MFSD6: variants seen among roughly 807,000 people sequenced by gnomAD.
The protein encoded by MFSD6 is major facilitator superfamily domain-containing protein 6.
Under a neutral mutation model 56.3 loss-of-function variants are expected in MFSD6, and 26 were observed. The observed-to-expected ratio is 0.46, with a 90% CI of 0.34 to 0.64. The LOEUF is 0.64. Among genes scored for constraint, MFSD6 ranks in the 30% least tolerant of loss-of-function variants. MFSD6 has a pLI of 0.01. For missense variants in MFSD6, 750 were observed against 986.2 expected, an observed-to-expected ratio of 0.76 and a Z score of 3.21; for synonymous variants, 331 against 366.9, an observed-to-expected ratio of 0.90 and a Z score of 1.12.
chr2:190,408,397 G>GCGCTGCCCCGACAGC lies in MFSD6; in HGVS notation c.-278_-264dup, dbSNP rs1367836650. The GCGCTGCCCCGACAGC allele has an allele frequency of 1.3e-5, 2 of 150,554 alleles. No individual in the cohort carries two copies. Among genetic ancestry groups the GCGCTGCCCCGACAGC allele is most frequent in the Non-Finnish European group, 3.0e-5 (2 of 67,204 alleles). 9.3% of individuals were successfully genotyped at this position (150,554 alleles called of 1,614,324 possible). On this transcript the variant is annotated 5_prime_UTR_variant, in exon 1 of 8. Transcript: ENST00000392328. ...GCGCGCGAGCAGCCCGGGATGGTGC[G>GCGCTGCCCCGACAGC]CGCTGCCCCGACAGCCGCCGCCCCG...
At chr2:190,479,893 G>A (rs988265588) in intron 4 of MFSD6, among the ~76,000 whole-genome samples, 1 of 152,168 alleles carries the variant, frequency 6.6e-6, no homozygotes, top group Non-Finnish European at 1.5e-5. Flanking sequence ...GGGGACTTGA[G>A]CTGACATTTA....
At chr2:190,460,088 T>TA (rs1687245862) in intron 3 of MFSD6, among the ~76,000 whole-genome samples, 1 of 152,208 alleles carries the variant, frequency 6.6e-6, no homozygotes, top group Non-Finnish European at 1.5e-5. Flanking sequence ...CTTACTCTTC[T>TA]GGTGAGATAG....
rs1042930965 is a variant in MFSD6, at chr2:190,490,942, T to G, written c.1891+1076T>G. Reference sequence around the variant, plus strand: ...ACTGTTTTTTCTTACTTTTGTTCTTTTATAATCCTAAATGGATTCTCTCTC... The same window carrying G: ...ACTGTTTTTTCTTACTTTTGTTCTTGTATAATCCTAAATGGATTCTCTCTC... On this transcript the variant is annotated intron_variant, in intron 6 of 7. Transcript: ENST00000392328. This position sits in a 1 kb window ranked among gnomAD's most constrained non-coding sequence, Gnocchi z 4.5. Among the ~76,000 whole-genome samples, 1 of 152,204 alleles carries G rather than the reference T, an allele frequency of 6.6e-6. No individual in the cohort carries two copies. The highest frequency in any genetic ancestry group is 1.5e-5 in the Non-Finnish European group (1 of 68,036).
At position 190,463,074 on chromosome 2, in the gene MFSD6, CAA is replaced by C. The variant is rs1687413274; in HGVS notation, c.1533-6683_1533-6682del. Among the ~76,000 whole-genome samples the C allele has an allele frequency of 6.6e-6, 1 of 152,064 alleles. No homozygotes were observed. Among genetic ancestry groups the C allele is most frequent in the Admixed American group, 6.5e-5 (1 of 15,268 alleles). ...GAGGACAAAAAAAGGGGAGAGAAGACAAGAGATTCCAGACAGTTACAGCAAAA... is the reference window on the plus strand; with the variant it reads ...GAGGACAAAAAAAGGGGAGAGAAGACGAGATTCCAGACAGTTACAGCAAAA... On this transcript the variant is annotated intron_variant, in intron 3 of 7. Transcript: ENST00000392328. This position sits in a 1 kb window ranked among gnomAD's most constrained non-coding sequence, Gnocchi z 4.4.
chr2:190,466,018 G>A (rs1328959788), intron 3 of MFSD6, among the ~76,000 whole-genome samples: 2 of 152,170 alleles, frequency 1.3e-5, no homozygotes, highest in African/African-American at 2.4e-5. Flanking sequence ...CAAAAAGTCC[G>A]AGATCAATTG....
At chr2:190,479,823 A>G (rs10185147) in intron 4 of MFSD6, among the ~76,000 whole-genome samples, 22,300 of 152,156 alleles carry the variant, frequency 0.15, 1,847 homozygotes, top group Middle Eastern at 0.22. Flanking sequence ...AGGATGCTCT[A>G]TCAGTGGGAG....
In MFSD6 at chr2:190,425,438, T is replaced by C. The variant is rs926278871; in HGVS notation, c.-54+10025T>C. On this transcript the variant is annotated intron_variant, in intron 2 of 7. Transcript: ENST00000392328. The surrounding 1 kb of genome is among the most constrained non-coding windows in gnomAD (Gnocchi z 4.3). Reference sequence around the variant, plus strand: ...TCTTAGAGAAAAAGCATTCAGTCTTTCACCATTAAGTGCAGTGTTACCCAT... The same window carrying C: ...TCTTAGAGAAAAAGCATTCAGTCTTCCACCATTAAGTGCAGTGTTACCCAT... Among the ~76,000 whole-genome samples, 1 of 152,242 alleles carries C rather than the reference T, an allele frequency of 6.6e-6. No individual in the cohort carries two copies. Among genetic ancestry groups the C allele is most frequent in the Non-Finnish European group, 1.5e-5 (1 of 68,044 alleles).
rs555141955 is a variant in MFSD6 at position 190,490,049 on chromosome 2, A to G, written c.1891+183A>G. 6.6e-6 allele frequency among the ~76,000 whole-genome samples: 1 copy of G among 152,196 alleles called. No homozygotes were observed. The highest frequency in any genetic ancestry group is 2.4e-5 in the African/African-American group (1 of 41,546). ...AAAGAGATCCACCTACTATGCAGAA[A>G]AAATATTGTTTTAAGTAGCTTGGGG... is the stretch of plus-strand genomic sequence containing the variant. On this transcript the variant is annotated intron_variant, in intron 6 of 7. Coordinates refer to ENST00000392328, the MANE Select transcript of MFSD6 (RefSeq NM_017694.4). The surrounding 1 kb of genome is among the most constrained non-coding windows in gnomAD (Gnocchi z 4.5).
intron 3 of MFSD6, chr2:190,442,696 C>CT (rs1686425836): frequency 6.6e-6 from 1 of 152,040 alleles, no homozygotes. Flanking sequence ...TTCCAAAAAT[C>CT]TAATAGGAAA....
chr2:190,453,119 G>A (rs1021994222), intron 3 of MFSD6, among the ~76,000 whole-genome samples: 27 of 152,100 alleles, frequency 1.8e-4, no homozygotes, highest in Non-Finnish European at 2.9e-5. Flanking sequence ...GAAATGTTAG[G>A]TTTGGTGCCT....
At chr2:190,430,960 T>C (rs1217835332) in intron 2 of MFSD6, among the ~76,000 whole-genome samples, 1 of 141,168 alleles carries the variant, frequency 7.1e-6, no homozygotes, top group Non-Finnish European at 1.5e-5. Flanking sequence ...GGGCGGCTGC[T>C]GGGTGAAGGG....
At chr2:190,455,438 G>C (rs1686978290) in intron 3 of MFSD6, among the ~76,000 whole-genome samples, 1 of 152,078 alleles carries the variant, frequency 6.6e-6, no homozygotes, top group Admixed American at 6.5e-5. Context: ...GATCCAGCTG[G>C]GGGAGGCTCT....
chr2:190,411,825 C>T, intron 1 of MFSD6: 3 of 985,308 alleles, frequency 3.0e-6, no homozygotes, highest in Non-Finnish European at 3.6e-6. Flanking sequence ...TTTTCCTCCT[C>T]AATAAGAATG....
rs866546765 is a variant in MFSD6, at chr2:190,497,127, G to A, written c.1892-312G>A. 2.0e-5 allele frequency among the ~76,000 whole-genome samples: 3 copies of A among 152,086 alleles called. No individual in the cohort carries two copies. Among genetic ancestry groups the A allele is most frequent in the African/African-American group, 4.8e-5 (2 of 41,410 alleles). On this transcript the variant is annotated intron_variant, in intron 6 of 7. Transcript: ENST00000392328. The surrounding 1 kb of genome is among the most constrained non-coding windows in gnomAD (Gnocchi z 5.2). ...TTGACGTCTTTTTAATCATAATCCT[G>A]TAAATGGGCCTAAGGCAACACTCAT... is the stretch of plus-strand genomic sequence containing the variant.
In MFSD6 at chr2:190,457,437, C is replaced by T. The variant is rs1004190875; in HGVS notation, c.1533-12321C>T. On this transcript the variant is annotated intron_variant, in intron 3 of 7. Transcript: ENST00000392328. This position sits in a 1 kb window ranked among gnomAD's most constrained non-coding sequence, Gnocchi z 5.1. ...CCCTACCCCCAGGACTCAGACTTTG[C>T]GTGTTTTTTGCTGACAAGTCAAAAA... Among the ~76,000 whole-genome samples, 2 of 152,166 alleles carry T rather than the reference C, an allele frequency of 1.3e-5. No individual in the cohort carries two copies. Among genetic ancestry groups the T allele is most frequent in the South Asian group, 2.1e-4 (1 of 4,826 alleles).
rs1281249503 is a variant in MFSD6 at position 190,413,636 on chromosome 2, G to T, written c.-175-1656G>T. Among the ~76,000 whole-genome samples, 3 of 152,146 alleles carry T rather than the reference G, an allele frequency of 2.0e-5. No homozygotes were observed. The highest frequency in any genetic ancestry group is 4.4e-5 in the Non-Finnish European group (3 of 68,026). Reference sequence around the variant, plus strand: ...TGAGGAGGATAAAAAGGAGGAACTGGTGCTGCCTGAACAAGCCCGATGTGT... The same window carrying T: ...TGAGGAGGATAAAAAGGAGGAACTGTTGCTGCCTGAACAAGCCCGATGTGT... On this transcript the variant is annotated intron_variant, in intron 1 of 7. Coordinates refer to ENST00000392328, the MANE Select transcript of MFSD6 (RefSeq NM_017694.4). This position sits in a 1 kb window ranked among gnomAD's most constrained non-coding sequence, Gnocchi z 4.1.
intron 3 of MFSD6, among the ~76,000 whole-genome samples, chr2:190,452,678 T>G (rs1244644700): frequency 6.6e-6 from 1 of 152,228 alleles, no homozygotes; most frequent in Admixed American, 6.5e-5. Flanking sequence ...GAATGACTAA[T>G]GCCTGGTATC....
intron 4 of MFSD6, among the ~76,000 whole-genome samples, chr2:190,470,564 C>G (rs945089956): frequency 2.0e-5 from 3 of 152,216 alleles, no homozygotes; most frequent in Non-Finnish European, 4.4e-5. Flanking sequence ...AGGTTCAGGA[C>G]AAGATCGCTG....
intron 3 of MFSD6, among the ~76,000 whole-genome samples, chr2:190,441,114 C>T (rs1686358178): frequency 6.6e-6 from 1 of 152,144 alleles, no homozygotes; most frequent in Admixed American, 6.5e-5. Flanking sequence ...TCCTTCTTCT[C>T]ATCATCTTAT....
Sources: gnomAD v4.1 joint callset for allele counts (sites outside exome capture counted in the v4.1 genomes callset) on GRCh38, gnomAD v4.1.1 for gene constraint, Gnocchi (gnomAD v3.1) non-coding constraint, MANE v1.5 for transcripts, NCBI Gene and HGNC (gene_info 2026-07-23, HGNC 2026-07-21) for gene names.